Variants in PTPRO observed in about 807,000 individuals in gnomAD.
PTPRO encodes the protein protein tyrosine phosphatase receptor type O.
In PTPRO, 62 loss-of-function variants were observed where a neutral mutation model predicts 145.2. That is an observed-to-expected ratio of 0.43 (90% CI 0.35 to 0.53). The LOEUF (loss-of-function observed/expected upper bound fraction) is 0.53. PTPRO is among the 20% of genes least tolerant of loss of function. The pLI, the probability that PTPRO is intolerant of heterozygous loss-of-function variation, is 0.01. For missense variants in PTPRO, 1,345 were observed against 1,482.7 expected (o/e 0.91, Z 1.53); for synonymous variants, 565 against 514.7 (o/e 1.10, Z -1.32).
chr12:15,371,157 T>C (rs1938515651), intron 1 of PTPRO, among the ~76,000 whole-genome samples: 1 of 152,202 alleles, frequency 6.6e-6, no homozygotes, highest in Admixed American at 6.5e-5. Context: ...GAAAAGATGA[T>C]ATCTTGTAAA....
chr12:15,344,344 TCAGAG>T (rs1867119708), intron 1 of PTPRO, among the ~76,000 whole-genome samples: 1 of 152,232 alleles, frequency 6.6e-6, no homozygotes, highest in Non-Finnish European at 1.5e-5. Flanking sequence ...CCATGACTTT[TCAGAG>T]CACTCTTTTG....
At chr12:15,333,735 T>G (rs1478090327) in intron 1 of PTPRO, among the ~76,000 whole-genome samples, 1 of 152,130 alleles carries the variant, frequency 6.6e-6, no homozygotes, top group Non-Finnish European at 1.5e-5. Context: ...GTGGAGGGAA[T>G]AGAGGTTTTA....
intron 12 of PTPRO, among the ~76,000 whole-genome samples, chr12:15,541,128 A>G (rs1943172252): frequency 6.6e-6 from 1 of 152,224 alleles, no homozygotes; most frequent in Admixed American, 6.5e-5. Context: ...TATTTTAAAC[A>G]AAAGGAAATT....
At chr12:15,387,908 G>C (rs897992606) in intron 1 of PTPRO, among the ~76,000 whole-genome samples, 1 of 152,006 alleles carries the variant, frequency 6.6e-6, no homozygotes, top group Admixed American at 6.6e-5. Flanking sequence ...GAATTCAAAG[G>C]GTTTTTCTTG....
At chr12:15,492,464 T>G (rs569176957) in intron 2 of PTPRO, among the ~76,000 whole-genome samples, 3 of 152,032 alleles carry the variant, frequency 2.0e-5, no homozygotes, top group Non-Finnish European at 4.4e-5. Flanking sequence ...TTCCACCTAA[T>G]CAGGAGGCTG....
chr12:15,524,544 A>G (rs1045903943), intron 10 of PTPRO, among the ~76,000 whole-genome samples: 9 of 152,186 alleles, frequency 5.9e-5, no homozygotes, highest in Non-Finnish European at 1.0e-4. Flanking sequence ...TAATGGTGAC[A>G]TTTATCCAAA....
chr12:15,387,827 A>G (rs1043439934), intron 1 of PTPRO, among the ~76,000 whole-genome samples: 1 of 152,236 alleles, frequency 6.6e-6, no homozygotes, highest in East Asian at 1.9e-4. Context: ...GTGGTCTTCA[A>G]ACTCAAAAGT....
intron 1 of PTPRO, among the ~76,000 whole-genome samples, chr12:15,323,941 A>T (rs1443405511): frequency 6.6e-6 from 1 of 151,892 alleles, no homozygotes; most frequent in Non-Finnish European, 1.5e-5. Flanking sequence ...TGAAAAATAT[A>T]AAAAAAATTC....
At chr12:15,564,320 A>G (rs1311483498) in intron 17 of PTPRO, among the ~76,000 whole-genome samples, 1 of 152,238 alleles carries the variant, frequency 6.6e-6, no homozygotes, top group African/African-American at 2.4e-5. Flanking sequence ...CTTTTCAATC[A>G]GAACATCACA....
chr12:15,561,936 C>T (rs951455432), intron 17 of PTPRO, among the ~76,000 whole-genome samples: 1 of 152,084 alleles, frequency 6.6e-6, no homozygotes, highest in Non-Finnish European at 1.5e-5. Flanking sequence ...TGAACATATG[C>T]TCAAATTTCA....
chr12:15,397,499 G>C (rs949327234), intron 1 of PTPRO, among the ~76,000 whole-genome samples: 30 of 152,174 alleles, frequency 2.0e-4, no homozygotes, highest in African/African-American at 7.2e-4. Context: ...ATGGGCTTCA[G>C]TTATTCACTG....
In PTPRO at chr12:15,322,574, G is replaced by A. The variant is rs1866325175; in HGVS notation, c.-153G>A. The A allele has an allele frequency of 1.4e-6, 1 of 704,506 alleles. No homozygotes were observed. The allele number at this position is 704,506 out of a possible 1,614,324, so 43.6% of individuals were successfully genotyped here. A position where few individuals can be genotyped will look rare whatever the true frequency, so the allele number is the denominator to read the frequency against. On this transcript the variant is annotated 5_prime_UTR_variant, in exon 1 of 27. Coordinates refer to ENST00000281171, the MANE Select transcript of PTPRO (RefSeq NM_030667.3). The surrounding 1 kb of genome is among the most constrained non-coding windows in gnomAD (Gnocchi z 6.3). The stretch of plus-strand genomic sequence containing the variant: ...CCCCGGGCGCAGAGGAGGAAAGGGA[G>A]CAGGCGCAGGGGGACTGGAAAGGCA...
rs1038961018 is a variant in PTPRO at position 15,322,610 on chromosome 12, G to C, written c.-117G>C. 1.2e-6 allele frequency: 1 copy of C among 856,340 alleles called. No homozygotes were observed. The highest frequency in any genetic ancestry group is 1.7e-5 in the African/African-American group (1 of 59,618). 53.0% of individuals were successfully genotyped at this position (856,340 alleles called of 1,614,324 possible). A position where few individuals can be genotyped will look rare whatever the true frequency, so the allele number is the denominator to read the frequency against. On this transcript the variant is annotated 5_prime_UTR_variant, in exon 1 of 27. Transcript: ENST00000281171. The surrounding 1 kb of genome is among the most constrained non-coding windows in gnomAD (Gnocchi z 6.3). Reference sequence around the variant, plus strand: ...GGGACTGGAAAGGCAGCATGCGCTCGCCAGGAGCAACCTCGGCGCCCAGGG... The same window carrying C: ...GGGACTGGAAAGGCAGCATGCGCTCCCCAGGAGCAACCTCGGCGCCCAGGG...
chr12:15,425,275 T>A (rs559930739), intron 1 of PTPRO, among the ~76,000 whole-genome samples: 1 of 152,184 alleles, frequency 6.6e-6, no homozygotes, highest in South Asian at 2.1e-4. Context: ...TATTCTAATG[T>A]TTTTTTACAA....
intron 2 of PTPRO, among the ~76,000 whole-genome samples, chr12:15,490,032 T>C (rs914673634): frequency 1.3e-5 from 2 of 152,188 alleles, no homozygotes; most frequent in African/African-American, 4.8e-5. Context: ...GCTAGAAATG[T>C]TGAAGAACTT....
At chr12:15,565,704 T>C in intron 18 of PTPRO, 76 bp downstream of exon 18, 5 of 1,097,090 alleles carry the variant, frequency 4.6e-6, no homozygotes, top group Non-Finnish European at 6.9e-6. Context: ...AGATTGCTTG[T>C]CTTCAAAGAG....
At chr12:15,436,372 C>T (rs1293966248) in intron 1 of PTPRO, among the ~76,000 whole-genome samples, 2 of 152,134 alleles carry the variant, frequency 1.3e-5, no homozygotes, top group Admixed American at 1.3e-4. Flanking sequence ...GTAGTAATTT[C>T]TTTTTTATTA....
intron 3 of PTPRO, among the ~76,000 whole-genome samples, chr12:15,497,725 G>A (rs143555154): frequency 2.6e-5 from 4 of 152,292 alleles, no homozygotes; most frequent in South Asian, 2.1e-4. Flanking sequence ...ACAAGTAACC[G>A]TTTCTTTCTG....
chr12:15,438,166 G>C (rs1389375872), intron 1 of PTPRO, among the ~76,000 whole-genome samples: 3 of 151,916 alleles, frequency 2.0e-5, no homozygotes, highest in Non-Finnish European at 2.9e-5. Flanking sequence ...AAGGGAAAGA[G>C]AATAATAGTA....
Sources: gnomAD v4.1 joint callset for allele counts (sites outside exome capture counted in the v4.1 genomes callset) on GRCh38, gnomAD v4.1.1 for gene constraint, Gnocchi (gnomAD v3.1) non-coding constraint, MANE v1.5 for transcripts, NCBI Gene and HGNC (gene_info 2026-07-23, HGNC 2026-07-21) for gene names.